The following GNAT3 variants were observed in gnomAD, a reference collection of about 807,000 sequenced individuals.
The protein encoded by GNAT3 is G protein subunit alpha transducin 3.
GNAT3 carries 31 observed loss-of-function variants against 37.7 expected under a neutral mutation model. The ratio of observed to expected loss-of-function variants is 0.82; its 90% CI spans 0.62 to 1.11. The LOEUF is 1.11. Ranked by LOEUF, GNAT3 falls within the 50% of genes most tolerant of loss-of-function variation. The pLI is 0.00. For missense variants in GNAT3, 437 were observed against 412.5 expected (o/e 1.06, Z -0.51); for synonymous variants, 138 against 139.8 (o/e 0.99, Z 0.09).
chr7:80,491,220 G>C (rs1584187545), intron 2 of GNAT3, among the ~76,000 whole-genome samples: 2 of 151,408 alleles, frequency 1.3e-5, no homozygotes, highest in East Asian at 3.9e-4. Flanking sequence ...TTGGTAAAAG[G>C]GTGAAGGCTT....
rs1274062362 is a variant in GNAT3, at chr7:80,505,460, G to A, written c.118+6349C>T. On this transcript the variant is annotated intron_variant, in intron 1 of 7. Coordinates refer to ENST00000398291, the MANE Select transcript of GNAT3 (RefSeq NM_001102386.3). ...CGGCTCACTGCAAGCTCCGCCTCCC[G>A]GGTTCACGCCATTCTCCTGCCTCAG... 2.6e-5 allele frequency among the ~76,000 whole-genome samples: 4 copies of A among 152,078 alleles called. No homozygotes were observed. In the East Asian group the frequency reaches 7.7e-4, roughly 29 times the overall value.
chr7:80,507,884 A>T (rs1790979791), intron 1 of GNAT3, among the ~76,000 whole-genome samples: 1 of 152,008 alleles, frequency 6.6e-6, no homozygotes, highest in East Asian at 1.9e-4. Context: ...TGTTAAATAC[A>T]ATAAATATAT....
chr7:80,458,729 A>G lies in GNAT3; in HGVS notation c.1007T>C (p.Phe336Ser). The G allele has an allele frequency of 6.9e-6, 11 of 1,599,198 alleles. No homozygotes were observed. Among genetic ancestry groups the G allele is most frequent in the Non-Finnish European group, 8.5e-6 (10 of 1,172,368 alleles). ...GATTATTATATCTGTAACTGCGTCA[A>G]ACACAAACTTGACATTTTGGGTGTC... ...ATDTQNVKFV[F>S]DAVTDIIIKE... Residue 336 changes from phenylalanine to serine, a missense_variant, in exon 8 of 8, where the codon TTT becomes TCT. Phe to Ser is a radical substitution (Grantham distance 155). Coordinates refer to ENST00000398291, the MANE Select transcript of GNAT3 (RefSeq NM_001102386.3).
chr7:80,480,886 C>T (rs1790382029), intron 3 of GNAT3, among the ~76,000 whole-genome samples: 1 of 152,054 alleles, frequency 6.6e-6, no homozygotes, highest in East Asian at 1.9e-4. Flanking sequence ...ACTTAGAATG[C>T]CTTAACTGTC....
At chr7:80,493,398 A>G (rs1363880901) in intron 2 of GNAT3, among the ~76,000 whole-genome samples, 1 of 152,202 alleles carries the variant, frequency 6.6e-6, no homozygotes, top group Non-Finnish European at 1.5e-5. Flanking sequence ...TTGGTTGCAG[A>G]TAAGTGAAGC....
rs373397751 is a variant in GNAT3 at position 80,487,237 on chromosome 7, A to G, written c.303+1298T>C. Reference sequence around the variant, plus strand: ...AGATCCATAACTGAACTACACTTAAATAAGAACATGATCACTAAGTCAGAG... The same window carrying G: ...AGATCCATAACTGAACTACACTTAAGTAAGAACATGATCACTAAGTCAGAG... On this transcript the variant is annotated intron_variant, in intron 3 of 7. Transcript: ENST00000398291. Among the ~76,000 whole-genome samples, 63 of 152,270 alleles carry G rather than the reference A, an allele frequency of 4.1e-4. No individual in the cohort carries two copies. The South Asian group carries it at 0.013, about 31-fold the overall frequency.
intron 1 of GNAT3, among the ~76,000 whole-genome samples, chr7:80,508,482 C>T (rs1584202468): frequency 2.6e-5 from 4 of 151,852 alleles, no homozygotes; most frequent in Middle Eastern, 6.8e-3. Context: ...ATATTTTATC[C>T]GTTAGAATTT....
At chr7:80,460,398 A>C (rs1366979540) in intron 7 of GNAT3, among the ~76,000 whole-genome samples, 2 of 152,208 alleles carry the variant, frequency 1.3e-5, no homozygotes, top group African/African-American at 4.8e-5. Context: ...AATGCTGGAT[A>C]CATGACCTGC....
intron 1 of GNAT3, among the ~76,000 whole-genome samples, chr7:80,506,188 C>T (rs913335421): frequency 6.6e-6 from 1 of 151,884 alleles, no homozygotes. Flanking sequence ...TGAAAATATG[C>T]GAATATAAAT....
At chr7:80,501,792 G>A (rs574341150) in intron 1 of GNAT3, among the ~76,000 whole-genome samples, 3 of 151,834 alleles carry the variant, frequency 2.0e-5, no homozygotes, top group Non-Finnish European at 4.4e-5. Context: ...TATAAATAAT[G>A]TGGATTTTCA....
chr7:80,500,687 A>C lies in GNAT3; in HGVS notation c.119-6040T>G, dbSNP rs371960961. On this transcript the variant is annotated intron_variant, in intron 1 of 7. Coordinates refer to ENST00000398291, the MANE Select transcript of GNAT3 (RefSeq NM_001102386.3). ...TTTTGTACCTACAGTTTATCTGACT[A>C]AGGAAATTCTCTTCTATTTCTACTT... 2.6e-5 allele frequency among the ~76,000 whole-genome samples: 4 copies of C among 152,248 alleles called. No homozygotes were observed. The East Asian group carries it at 5.8e-4, about 22-fold the overall frequency.
At chr7:80,505,229 T>G (rs1490447945) in intron 1 of GNAT3, among the ~76,000 whole-genome samples, 1 of 152,184 alleles carries the variant, frequency 6.6e-6, no homozygotes, top group Non-Finnish European at 1.5e-5. Context: ...TACTCCTGAA[T>G]TTTAGGAGGA....
At chr7:80,502,667 A>T (rs1030027723) in intron 1 of GNAT3, among the ~76,000 whole-genome samples, 1 of 152,048 alleles carries the variant, frequency 6.6e-6, no homozygotes, top group African/African-American at 2.4e-5. Context: ...TAATTTTCAG[A>T]CCCATATGTT....
At chr7:80,462,900 A>G (rs980634389) in intron 5 of GNAT3, among the ~76,000 whole-genome samples, 2 of 152,230 alleles carry the variant, frequency 1.3e-5, no homozygotes, top group Non-Finnish European at 2.9e-5. Flanking sequence ...AAAAGAGTTT[A>G]GAGTTTTGGT....
At chr7:80,492,845 T>C (rs1386095304) in intron 2 of GNAT3, among the ~76,000 whole-genome samples, 1 of 151,714 alleles carries the variant, frequency 6.6e-6, no homozygotes, top group African/African-American at 2.4e-5. Context: ...TTTAAAATTA[T>C]TGTTTGTCAA....
chr7:80,510,903 G>A lies in GNAT3; in HGVS notation c.118+906C>T, dbSNP rs150388393. 2.7e-3 allele frequency among the ~76,000 whole-genome samples: 412 copies of A among 152,194 alleles called. 1 individual carries two copies. The highest frequency in any genetic ancestry group is 9.6e-3 in the African/African-American group (397 of 41,546). On this transcript the variant is annotated intron_variant, in intron 1 of 7. Transcript: ENST00000398291. ...GAAATTTGTTATGTGAAATATGCAC[G>A]ATTCTGAAATAAGATGAAGTCCTTT...
chr7:80,487,439 T>A (rs868545330), intron 3 of GNAT3, among the ~76,000 whole-genome samples: 2 of 152,180 alleles, frequency 1.3e-5, no homozygotes, highest in Non-Finnish European at 2.9e-5. Context: ...AAGGCCATAC[T>A]TAGCATTTCC....
intron 4 of GNAT3, among the ~76,000 whole-genome samples, chr7:80,476,667 G>T (rs1407338365): frequency 6.6e-6 from 1 of 151,722 alleles, no homozygotes; most frequent in Non-Finnish European, 1.5e-5. Flanking sequence ...AGAAAAAAGT[G>T]TTAGAGACCT....
intron 5 of GNAT3, among the ~76,000 whole-genome samples, chr7:80,470,349 A>G (rs1584170794): frequency 6.6e-6 from 1 of 152,012 alleles, no homozygotes; most frequent in Non-Finnish European, 1.5e-5. Context: ...AGCCTCCTGC[A>G]TAGCTGGGAT....
Sources: gnomAD v4.1 joint callset for allele counts (sites outside exome capture counted in the v4.1 genomes callset) on GRCh38, gnomAD v4.1.1 for gene constraint, MANE v1.5 for transcripts, NCBI Gene and HGNC (gene_info 2026-07-23, HGNC 2026-07-21) for gene names.